The following GRIK4 variants were observed in gnomAD, a reference collection of about 807,000 sequenced individuals.
GRIK4 encodes the protein glutamate receptor ionotropic, kainate 4.
Under a neutral mutation model 104.9 loss-of-function variants are expected in GRIK4, and 40 were observed. The observed-to-expected ratio is 0.38, with a 90% confidence interval of 0.30 to 0.50. GRIK4 has a LOEUF of 0.50. Ranked by LOEUF, GRIK4 falls within the 20% of genes least tolerant of loss-of-function variation. GRIK4 has a pLI of 0.93. For missense variants in GRIK4, 1,047 were observed against 1,308.1 expected (o/e 0.80, Z 3.08); for synonymous variants, 485 against 524.9 (o/e 0.92, Z 1.04).
At chr11:120,586,425 C>T (rs889401291) in intron 1 of GRIK4, among the ~76,000 whole-genome samples, 1 of 151,990 alleles carries the variant, frequency 6.6e-6, no homozygotes, top group South Asian at 2.1e-4. Context: ...CAGGAAGGGC[C>T]TTCATTTAGG....
chr11:120,889,598 T>TG (rs1166631978), intron 11 of GRIK4, among the ~76,000 whole-genome samples: 1 of 131,676 alleles, frequency 7.6e-6, no homozygotes, highest in Non-Finnish European at 1.6e-5. Flanking sequence ...CATTTTTTTT[T>TG]TTTTTTTTTT....
At chr11:120,742,560 C>T (rs985670747) in intron 3 of GRIK4, among the ~76,000 whole-genome samples, 1 of 151,102 alleles carries the variant, frequency 6.6e-6, no homozygotes, top group Non-Finnish European at 1.5e-5. Context: ...CTCTTTCGCC[C>T]AGGCCGGACT....
At chr11:120,746,109 T>C (rs768612681) in intron 3 of GRIK4, among the ~76,000 whole-genome samples, 1 of 152,208 alleles carries the variant, frequency 6.6e-6, no homozygotes, top group Non-Finnish European at 1.5e-5. Flanking sequence ...AATATTACTT[T>C]GTAAAGAATA....
At chr11:120,880,240 G>T (rs1281113201) in intron 11 of GRIK4, among the ~76,000 whole-genome samples, 2 of 152,222 alleles carry the variant, frequency 1.3e-5, no homozygotes, top group African/African-American at 2.4e-5. Flanking sequence ...GCACAGTCTT[G>T]TCCTTGCCTG....
chr11:120,854,985 A>G (rs1490008652), intron 8 of GRIK4, among the ~76,000 whole-genome samples: 1 of 152,146 alleles, frequency 6.6e-6, no homozygotes, highest in Admixed American at 6.5e-5. Flanking sequence ...CAGGACAGTT[A>G]TTCTCCTAAC....
intron 6 of GRIK4, among the ~76,000 whole-genome samples, chr11:120,825,346 C>T (rs1953229903): frequency 1.3e-5 from 2 of 152,222 alleles, no homozygotes; most frequent in Admixed American, 6.5e-5. Context: ...CCTCTGTTGT[C>T]TCATGTATAA....
intron 3 of GRIK4, among the ~76,000 whole-genome samples, chr11:120,683,137 A>G (rs1237269232): frequency 1.3e-5 from 2 of 152,142 alleles, no homozygotes; most frequent in African/African-American, 4.8e-5. Flanking sequence ...GACACTCCAT[A>G]AACTGTTGCA....
intron 17 of GRIK4, among the ~76,000 whole-genome samples, chr11:120,961,713 T>A (rs1944290545): frequency 6.6e-6 from 1 of 152,238 alleles, no homozygotes; most frequent in African/African-American, 2.4e-5. Flanking sequence ...CCAGACCAGA[T>A]GGAATAGTGG....
At chr11:120,946,889 A>G (rs1450253276) in intron 14 of GRIK4, among the ~76,000 whole-genome samples, 1 of 152,104 alleles carries the variant, frequency 6.6e-6, no homozygotes, top group Non-Finnish European at 1.5e-5. Flanking sequence ...ATCCTTTCCC[A>G]TCTGAGGATA....
At chr11:120,580,942 C>T (rs1445513725) in intron 1 of GRIK4, among the ~76,000 whole-genome samples, 1 of 152,112 alleles carries the variant, frequency 6.6e-6, no homozygotes, top group Non-Finnish European at 1.5e-5. Context: ...TAAAACAAAT[C>T]TTAAAAATTT....
At chr11:120,608,393 C>CGCT (rs1948988838) in intron 1 of GRIK4, among the ~76,000 whole-genome samples, 4 of 152,218 alleles carry the variant, frequency 2.6e-5, no homozygotes, top group African/African-American at 9.6e-5. Context: ...GACTCAAAAT[C>CGCT]ACTAGGCTAA....
chr11:120,934,338 G>C (rs544044399), intron 13 of GRIK4, among the ~76,000 whole-genome samples: 1 of 151,940 alleles, frequency 6.6e-6, no homozygotes, highest in Admixed American at 6.6e-5. Context: ...AGAAGGCTTT[G>C]CTGTCTTCGG....
At position 120,986,133 on chromosome 11, in the gene GRIK4, G is replaced by C. The variant is rs1944744555; in HGVS notation, c.2744G>C (p.Gly915Ala). The C allele has an allele frequency of 6.6e-7, 1 of 1,526,112 alleles. No individual in the cohort carries two copies. Among genetic ancestry groups the C allele is most frequent in the South Asian group, 1.2e-5 (1 of 83,216 alleles). 94.5% of individuals were successfully genotyped at this position (1,526,112 alleles called of 1,614,324 possible). Residue 915 changes from glycine (G) to alanine (A), a missense_variant, in exon 21 of 21, where the codon GGC becomes GCC. Coordinates refer to ENST00000527524, the MANE Select transcript of GRIK4 (RefSeq NM_014619.5). The stretch of plus-strand genomic sequence containing the variant: ...CAGGAGGCCGCCCTGGTGGCCCGCG[G>C]CTGCACGCACATCCGCGTCTGCCCC... ...LAQEAALVARGCTHIRVCPEC... is the reference protein window; with the variant it reads ...LAQEAALVARACTHIRVCPEC...
chr11:120,983,488 C>A (rs1264648545), intron 20 of GRIK4, among the ~76,000 whole-genome samples: 1 of 152,222 alleles, frequency 6.6e-6, no homozygotes, highest in East Asian at 1.9e-4. Context: ...TTTGGTGTGT[C>A]CCTTGATGAT....
intron 20 of GRIK4, among the ~76,000 whole-genome samples, chr11:120,984,487 G>A (rs989238660): frequency 1.3e-5 from 2 of 151,596 alleles, no homozygotes; most frequent in Admixed American, 6.6e-5. Context: ...CAGGCCCATC[G>A]GCCAGGCACA....
intron 1 of GRIK4, among the ~76,000 whole-genome samples, chr11:120,571,119 C>T (rs187773973): frequency 8.5e-4 from 130 of 152,280 alleles, no homozygotes; most frequent in Admixed American, 4.8e-3. Context: ...GCCTGGTGCC[C>T]GGCTGTTTTC....
At chr11:120,782,149 A>G (rs1293784531) in intron 3 of GRIK4, among the ~76,000 whole-genome samples, 1 of 151,954 alleles carries the variant, frequency 6.6e-6, no homozygotes, top group Non-Finnish European at 1.5e-5. Context: ...ATTATCCTGC[A>G]TTTATTTCCT....
At chr11:120,795,855 TGTG>T (rs1217736564) in intron 3 of GRIK4, among the ~76,000 whole-genome samples, 2 of 152,116 alleles carry the variant, frequency 1.3e-5, no homozygotes, top group African/African-American at 4.8e-5. Flanking sequence ...TCGAGTCCCT[TGTG>T]TAAAATGCGT....
At chr11:120,643,704 A>C (rs755633552) in intron 1 of GRIK4, among the ~76,000 whole-genome samples, 31 of 152,142 alleles carry the variant, frequency 2.0e-4, no homozygotes, top group Non-Finnish European at 3.8e-4. Flanking sequence ...CCGGCTCTTC[A>C]TCTTTGAAGG....
Sources: allele counts gnomAD v4.1 joint callset (sites outside exome capture counted in the v4.1 genomes callset), GRCh38; gene constraint gnomAD v4.1.1; transcripts MANE v1.5; gene names NCBI Gene and HGNC (gene_info 2026-07-23, HGNC 2026-07-21).